Variants in THAP4 observed in about 807,000 individuals in gnomAD.
The protein encoded by THAP4 is THAP domain containing 4, also known as peroxynitrite isomerase THAP4.
A neutral mutation model predicts 48.1 loss-of-function variants in THAP4; 18 were observed. The ratio of observed to expected loss-of-function variants is 0.37; its 90% CI spans 0.26 to 0.56. THAP4 has a LOEUF of 0.56. Among genes scored for constraint, THAP4 ranks in the 20% least tolerant of loss-of-function variants. The pLI, the probability that THAP4 is intolerant of heterozygous loss-of-function variation, is 0.78. For missense variants in THAP4, 656 were observed against 774.9 expected (o/e 0.85, Z 1.82); for synonymous variants, 345 against 324.9 (o/e 1.06, Z -0.66).
intron 1 of THAP4, 35 bp downstream of exon 1, chr2:241,636,906 C>A: frequency 8.6e-7 from 1 of 1,156,396 alleles, no homozygotes; most frequent in Non-Finnish European, 1.1e-6. Context: ...AGGGCCGGGT[C>A]GGGGCGGGGG....
At chr2:241,629,690 G>C (rs1166450260) in intron 2 of THAP4, among the ~76,000 whole-genome samples, 1 of 151,624 alleles carries the variant, frequency 6.6e-6, no homozygotes, top group Non-Finnish European at 1.5e-5. Context: ...AGGAAATGAA[G>C]AAATAAGACG....
At position 241,600,555 on chromosome 2, in the gene THAP4, G is replaced by A. The variant is rs148543399; in HGVS notation, c.1614+1341C>T. 5.0e-3 allele frequency among the ~76,000 whole-genome samples: 764 copies of A among 151,700 alleles called. 4 individuals are homozygous for A. Among genetic ancestry groups the A allele is most frequent in the African/African-American group, 0.017 (722 of 41,348 alleles). On this transcript the variant is annotated intron_variant, in intron 5 of 5. Coordinates refer to ENST00000407315, the MANE Select transcript of THAP4 (RefSeq NM_015963.6). Reference sequence around the variant, plus strand: ...ATCCTGGCTAACACAGCGAAACCCCGTCTCTACTAAAAACACAAAAAAATG... The same window carrying A: ...ATCCTGGCTAACACAGCGAAACCCCATCTCTACTAAAAACACAAAAAAATG...
upstream of THAP4, chr2:241,637,326 C>G (rs572227161): frequency 2.2e-5 from 28 of 1,254,576 alleles, no homozygotes; most frequent in Admixed American, 3.1e-5. Context: ...GGGGCAAGTC[C>G]GTACCGCGAC....
chr2:241,611,793 A>G (rs1359567555), intron 2 of THAP4, among the ~76,000 whole-genome samples: 3 of 152,122 alleles, frequency 2.0e-5, no homozygotes, highest in African/African-American at 7.2e-5. Flanking sequence ...TTCTCCAGCA[A>G]TGGACTAATG....
chr2:241,632,406 G>C (rs968079008), intron 2 of THAP4, among the ~76,000 whole-genome samples: 2 of 151,980 alleles, frequency 1.3e-5, no homozygotes, highest in Non-Finnish European at 2.9e-5. Context: ...AGCCTCAACA[G>C]ATGTTTTAAT....
intron 2 of THAP4, among the ~76,000 whole-genome samples, chr2:241,623,390 G>C (rs1411236017): frequency 6.6e-6 from 1 of 151,930 alleles, no homozygotes; most frequent in African/African-American, 2.4e-5. Context: ...GACCAGCTTG[G>C]GCAACATGGC....
At chr2:241,620,336 T>G (rs1280968968) in intron 2 of THAP4, among the ~76,000 whole-genome samples, 17 of 35,206 alleles carry the variant, frequency 4.8e-4, no homozygotes, top group Non-Finnish European at 5.1e-4. Context: ...GGTGAGTGAG[T>G]CAGTGAGTGA....
At chr2:241,628,698 G>A (rs1187600477) in intron 2 of THAP4, among the ~76,000 whole-genome samples, 3 of 147,980 alleles carry the variant, frequency 2.0e-5, no homozygotes, top group Non-Finnish European at 3.0e-5. Flanking sequence ...GCTGGGTGCG[G>A]TGGCTTACCT....
intron 5 of THAP4, among the ~76,000 whole-genome samples, chr2:241,588,555 G>A (rs1186970023): frequency 6.6e-6 from 1 of 152,218 alleles, no homozygotes; most frequent in Non-Finnish European, 1.5e-5. Context: ...GATCAAGACA[G>A]CATGGTAACA....
chr2:241,618,344 T>C (rs4675918), intron 2 of THAP4, among the ~76,000 whole-genome samples: 3,597 of 152,290 alleles, frequency 0.024, 206 homozygotes, highest in East Asian at 0.19. Context: ...AATTTGCAAA[T>C]GTTATGTTTG....
chr2:241,637,514 G>C, upstream of THAP4: 1 of 1,436,338 alleles, frequency 7.0e-7, no homozygotes, highest in Non-Finnish European at 9.1e-7. Context: ...ACCCCATGCC[G>C]CCCGCAGGGC....
chr2:241,609,375 G>C (rs530955268), intron 2 of THAP4, among the ~76,000 whole-genome samples: 1 of 152,364 alleles, frequency 6.6e-6, no homozygotes, highest in East Asian at 1.9e-4. Flanking sequence ...TCAGTCACCT[G>C]GGATAGCCCA....
chr2:241,613,766 A>AAAAAC (rs1032017410), intron 2 of THAP4, among the ~76,000 whole-genome samples: 4 of 152,112 alleles, frequency 2.6e-5, no homozygotes, highest in Non-Finnish European at 5.9e-5. Context: ...GAAACAAAAC[A>AAAAAC]AAAACAAAAC....
chr2:241,596,714 G>A (rs994208970), intron 5 of THAP4, among the ~76,000 whole-genome samples: 7 of 151,894 alleles, frequency 4.6e-5, no homozygotes, highest in African/African-American at 1.7e-4. Flanking sequence ...GCTGAGGCAG[G>A]AGAATGGAGT....
chr2:241,590,587 G>A (rs1432442540), intron 5 of THAP4, among the ~76,000 whole-genome samples: 3 of 148,392 alleles, frequency 2.0e-5, no homozygotes, highest in African/African-American at 7.5e-5. Context: ...GGGGCACTAG[G>A]ACACTCAGAG....
At chr2:241,631,451 T>C (rs2067559995) in intron 2 of THAP4, among the ~76,000 whole-genome samples, 2 of 152,148 alleles carry the variant, frequency 1.3e-5, no homozygotes, top group South Asian at 2.1e-4. Context: ...AGAGCTAATA[T>C]ACATACAAAG....
rs954395037 is a variant in THAP4 at position 241,595,147 on chromosome 2, G to A, written c.1614+6749C>T. 1.3e-5 allele frequency among the ~76,000 whole-genome samples: 2 copies of A among 152,062 alleles called. 1 individual carries two copies. On this transcript the variant is annotated intron_variant, in intron 5 of 5. Coordinates refer to ENST00000407315, the MANE Select transcript of THAP4 (RefSeq NM_015963.6). Reference sequence around the variant, plus strand: ...CCTGCCTCAGCCTCCTCAGTAGCTGGGATTACAGGTGCCTGTCACCACGCC... The same window carrying A: ...CCTGCCTCAGCCTCCTCAGTAGCTGAGATTACAGGTGCCTGTCACCACGCC...
chr2:241,592,853 A>C (rs776109216), intron 5 of THAP4, among the ~76,000 whole-genome samples: 2 of 152,246 alleles, frequency 1.3e-5, no homozygotes, highest in Non-Finnish European at 2.9e-5. Context: ...ACAGTGCCTA[A>C]CAAGGGCCAC....
intron 2 of THAP4, among the ~76,000 whole-genome samples, chr2:241,623,477 G>A (rs1454482669): frequency 6.6e-6 from 1 of 151,996 alleles, no homozygotes; most frequent in Admixed American, 6.6e-5. Flanking sequence ...CTACTTAGGA[G>A]GCTAAGTGGG....
Sources: gnomAD v4.1 joint callset for allele counts (sites outside exome capture counted in the v4.1 genomes callset) on GRCh38, gnomAD v4.1.1 for gene constraint, MANE v1.5 for transcripts, NCBI Gene and HGNC (gene_info 2026-07-23, HGNC 2026-07-21) for gene names.